Variants in SLC9A9 observed in about 807,000 individuals in gnomAD.
SLC9A9 encodes the protein solute carrier family 9 member A9.
In SLC9A9, 62 loss-of-function variants were observed where a neutral mutation model predicts 77.8. The observed-to-expected ratio is 0.80, with a 90% CI of 0.65 to 0.98. The LOEUF is 0.98. Ranked by LOEUF, SLC9A9 falls within the 50% of genes least tolerant of loss-of-function variation. The pLI is 0.00. For synonymous variants in SLC9A9, 320 were observed against 283.5 expected (o/e 1.13, Z -1.29); for missense variants, 775 against 774.9 (o/e 1.00, Z 0.00).
At chr3:143,516,789 T>C (rs912686698) in intron 9 of SLC9A9, among the ~76,000 whole-genome samples, 2 of 152,130 alleles carry the variant, frequency 1.3e-5, no homozygotes, top group African/African-American at 2.4e-5. Flanking sequence ...GAGAGTAAAT[T>C]TGCTGGTCAT....
chr3:143,705,766 T>C (rs911336253), intron 4 of SLC9A9, among the ~76,000 whole-genome samples: 2 of 152,192 alleles, frequency 1.3e-5, no homozygotes, highest in Admixed American at 1.3e-4. Context: ...AGGATGACTT[T>C]GTTTTACAGA....
chr3:143,550,052 C>T (rs890915540), intron 9 of SLC9A9, among the ~76,000 whole-genome samples: 1 of 152,076 alleles, frequency 6.6e-6, no homozygotes, highest in Non-Finnish European at 1.5e-5. Flanking sequence ...TCTTCTGAGG[C>T]ATTTGCAGTG....
chr3:143,759,386 A>C (rs554972537), intron 4 of SLC9A9, among the ~76,000 whole-genome samples: 13 of 150,122 alleles, frequency 8.7e-5, no homozygotes, highest in African/African-American at 3.0e-4. Context: ...CCGGTCAGTC[A>C]GTCTGATTGG....
chr3:143,270,440 G>A (rs1367300050), intron 14 of SLC9A9, among the ~76,000 whole-genome samples: 1 of 152,178 alleles, frequency 6.6e-6, no homozygotes, highest in Admixed American at 6.5e-5. Flanking sequence ...TGGGTTTTCT[G>A]GAGAGCAAAG....
intron 4 of SLC9A9, among the ~76,000 whole-genome samples, chr3:143,755,423 C>T (rs972482709): frequency 1.3e-5 from 2 of 152,174 alleles, no homozygotes; most frequent in African/African-American, 4.8e-5. Flanking sequence ...AGGAGGTTCA[C>T]ACATCACATC....
At chr3:143,546,517 A>G (rs144355543) in intron 9 of SLC9A9, among the ~76,000 whole-genome samples, 3 of 152,240 alleles carry the variant, frequency 2.0e-5, no homozygotes, top group African/African-American at 7.2e-5. Flanking sequence ...AAAGTAAATG[A>G]CTAATTATCT....
intron 14 of SLC9A9, among the ~76,000 whole-genome samples, chr3:143,360,281 A>G (rs900487142): frequency 1.3e-5 from 2 of 152,232 alleles, no homozygotes; most frequent in African/African-American, 4.8e-5. Context: ...AAATGAAATA[A>G]CATTCCTCCC....
At chr3:143,350,747 TG>T (rs2032428871) in intron 14 of SLC9A9, among the ~76,000 whole-genome samples, 1 of 152,218 alleles carries the variant, frequency 6.6e-6, no homozygotes, top group Admixed American at 6.5e-5. Flanking sequence ...AGGGCAGGCC[TG>T]GAACTAGAGT....
chr3:143,370,565 G>GCACACA (rs1400523794), intron 13 of SLC9A9, among the ~76,000 whole-genome samples: 66 of 38,406 alleles, frequency 1.7e-3, no homozygotes, highest in African/African-American at 7.5e-3. Flanking sequence ...ATGCATGTGC[G>GCACACA]CGCACACACA....
At chr3:143,638,101 A>C (rs2038556750) in intron 6 of SLC9A9, among the ~76,000 whole-genome samples, 1 of 152,232 alleles carries the variant, frequency 6.6e-6, no homozygotes, top group Non-Finnish European at 1.5e-5. Context: ...CTCTGCCAAG[A>C]AGTTTTTCTG....
intron 6 of SLC9A9, among the ~76,000 whole-genome samples, chr3:143,625,939 T>A (rs1372811695): frequency 6.6e-6 from 1 of 151,964 alleles, no homozygotes; most frequent in African/African-American, 2.4e-5. Context: ...ACCAACCCCA[T>A]CAAAATGTGG....
intron 14 of SLC9A9, among the ~76,000 whole-genome samples, chr3:143,273,825 C>T (rs1220029683): frequency 2.0e-5 from 3 of 152,174 alleles, no homozygotes; most frequent in African/African-American, 7.2e-5. Context: ...AGCAATCATC[C>T]CAGGTGACTG....
chr3:143,534,075 C>A (rs2036553912), intron 9 of SLC9A9, among the ~76,000 whole-genome samples: 1 of 151,956 alleles, frequency 6.6e-6, no homozygotes. Context: ...GGAAGAAAGC[C>A]CACATTTTAT....
chr3:143,373,114 G>T (rs1440335303), intron 13 of SLC9A9, among the ~76,000 whole-genome samples: 1 of 152,030 alleles, frequency 6.6e-6, no homozygotes, highest in Non-Finnish European at 1.5e-5. Flanking sequence ...CTACCCAAGG[G>T]AAAATAAGTC....
At chr3:143,697,689 T>TAC (rs144005213) in intron 4 of SLC9A9, among the ~76,000 whole-genome samples, 2,128 of 148,646 alleles carry the variant, frequency 0.014, 30 homozygotes, top group African/African-American at 0.037. Flanking sequence ...TGTGTGTGAG[T>TAC]ACACACACAC....
intron 2 of SLC9A9, among the ~76,000 whole-genome samples, chr3:143,810,772 T>A (rs568686332): frequency 5.9e-5 from 9 of 152,350 alleles, no homozygotes; most frequent in Admixed American, 5.2e-4. Context: ...AATGCTTTAT[T>A]CATTAGAAAT....
intron 6 of SLC9A9, among the ~76,000 whole-genome samples, chr3:143,591,753 G>C (rs2037648432): frequency 6.6e-6 from 1 of 152,210 alleles, no homozygotes; most frequent in South Asian, 2.1e-4. Context: ...TTGGTGCCAG[G>C]AACTAGGGCC....
At chr3:143,648,159 G>A (rs1381698064) in intron 6 of SLC9A9, among the ~76,000 whole-genome samples, 3 of 152,136 alleles carry the variant, frequency 2.0e-5, no homozygotes, top group Admixed American at 6.6e-5. Flanking sequence ...GTTTTGTAAT[G>A]TATATAGAAC....
At chr3:143,706,159 G>A (rs1933968937) in intron 4 of SLC9A9, among the ~76,000 whole-genome samples, 1 of 152,170 alleles carries the variant, frequency 6.6e-6, no homozygotes, top group Non-Finnish European at 1.5e-5. Context: ...CCTACCGTAG[G>A]TGGTTTCTTT....
Sources: allele counts gnomAD v4.1 joint callset (sites outside exome capture counted in the v4.1 genomes callset), GRCh38; gene constraint gnomAD v4.1.1; transcripts MANE v1.5; gene names NCBI Gene and HGNC (gene_info 2026-07-23, HGNC 2026-07-21).